Variants in MPZL3 observed in about 807,000 individuals in gnomAD.
MPZL3 encodes the protein myelin protein zero like 3.
MPZL3 carries 23 observed loss-of-function variants against 24.8 expected under a neutral mutation model. The observed-to-expected ratio is 0.93, with a 90% CI of 0.67 to 1.31. The LOEUF (loss-of-function observed/expected upper bound fraction) is 1.31. Ranked by LOEUF, MPZL3 falls within the 40% of genes most tolerant of loss-of-function variation. The pLI is 0.00. For missense variants in MPZL3, 277 were observed against 294.9 expected (o/e 0.94, Z 0.44); for synonymous variants, 99 against 106.5 (o/e 0.93, Z 0.44).
At position 118,232,380 on chromosome 11, in the gene MPZL3, T is replaced by C. The variant is rs191880954; in HGVS notation, c.681+1080A>G. On this transcript the variant is annotated intron_variant, in intron 5 of 5. Coordinates refer to ENST00000278949, the MANE Select transcript of MPZL3 (RefSeq NM_198275.3). ...TCATTAAGTACCATCTCATATACTA[T>C]ATATTTTACTTATTTTTAAAAACTT... Among the ~76,000 whole-genome samples the C allele has an allele frequency of 1.3e-3, 195 of 152,214 alleles. 1 individual carries two copies. The highest frequency in any genetic ancestry group is 1.0e-4 in the Non-Finnish European group (7 of 68,026).
chr11:118,237,281 G>C (rs780046175), intron 2 of MPZL3, 21 bp from the exon 3 acceptor site: 2 of 1,603,130 alleles, frequency 1.2e-6, no homozygotes, highest in Non-Finnish European at 1.7e-6. Flanking sequence ...AACACCATGA[G>C]AGAAAAGGTT....
intron 1 of MPZL3, among the ~76,000 whole-genome samples, chr11:118,246,303 G>T (rs11216831): frequency 6.6e-6 from 1 of 152,112 alleles, no homozygotes; most frequent in African/African-American, 2.4e-5. Flanking sequence ...GCCATGATCT[G>T]CCTCTGAGTG....
rs1401760253 is a variant in MPZL3 at position 118,238,590 on chromosome 11, G to C, written c.241-1330C>G. Among the ~76,000 whole-genome samples, 3 of 152,182 alleles carry C rather than the reference G, an allele frequency of 2.0e-5. No homozygotes were observed. In the South Asian group the frequency reaches 6.2e-4, roughly 31 times the overall value. On this transcript the variant is annotated intron_variant, in intron 2 of 5. Transcript: ENST00000278949. ...TTGGTACCTTCCCATTTAGGAACCTGGGTGTTTACAACCACTGAATTGCCC... is the reference window on the plus strand; with the variant it reads ...TTGGTACCTTCCCATTTAGGAACCTCGGTGTTTACAACCACTGAATTGCCC...
chr11:118,228,249 TG>T lies in MPZL3; in HGVS notation c.*1644del, dbSNP rs947733064. On this transcript the variant is annotated 3_prime_UTR_variant, in exon 6 of 6. Transcript: ENST00000278949. Reference sequence around the variant, plus strand: ...GTCTTCAAAAAAAAAAGAAAGAAGTTGAGAGAGAGAAAAGTGATTTTTAAAC... The same window carrying T: ...GTCTTCAAAAAAAAAAGAAAGAAGTTAGAGAGAGAAAAGTGATTTTTAAAC... 2.6e-5 allele frequency: 4 copies of T among 151,026 alleles called. No homozygotes were observed. The highest frequency in any genetic ancestry group is 5.9e-5 in the Non-Finnish European group (4 of 67,780). The allele number at this position is 151,026 out of a possible 1,614,324, so 9.4% of individuals were successfully genotyped here. A position where few individuals can be genotyped will look rare whatever the true frequency, so the allele number is the denominator to read the frequency against.
At chr11:118,244,873 G>A (rs1014075849) in intron 1 of MPZL3, among the ~76,000 whole-genome samples, 1 of 152,072 alleles carries the variant, frequency 6.6e-6, no homozygotes, top group Non-Finnish European at 1.5e-5. Flanking sequence ...TCAGGAGATC[G>A]AGACCATCCT....
At chr11:118,252,034 G>C (rs1029314120) in intron 1 of MPZL3, among the ~76,000 whole-genome samples, 188 bp downstream of exon 1, 2 of 152,164 alleles carry the variant, frequency 1.3e-5, no homozygotes, top group African/African-American at 4.8e-5. Flanking sequence ...CTCAGGAAAG[G>C]ACTGACAAAA....
intron 5 of MPZL3, 61 bp from the exon 6 acceptor site, chr11:118,229,981 CCA>C (rs869035160): frequency 1.1e-5 from 16 of 1,520,784 alleles, no homozygotes; most frequent in African/African-American, 3.0e-5. Context: ...TAGGCAAAGA[CCA>C]CATGTTAGGA....
chr11:118,238,918 G>A lies in MPZL3; in HGVS notation c.240+1293C>T, dbSNP rs144387566. The stretch of plus-strand genomic sequence containing the variant: ...TTGAAACTCCTTATTGACAAAACAC[G>A]GCCCACTGTGTATCCTCGAGATTAG... On this transcript the variant is annotated intron_variant, in intron 2 of 5. Transcript: ENST00000278949. Among the ~76,000 whole-genome samples, 20 of 152,184 alleles carry A rather than the reference G, an allele frequency of 1.3e-4. No individual in the cohort carries two copies. In the South Asian group the frequency reaches 1.9e-3, roughly 14 times the overall value.
At chr11:118,241,023 G>C (rs1949491302) in intron 1 of MPZL3, among the ~76,000 whole-genome samples, 1 of 152,142 alleles carries the variant, frequency 6.6e-6, no homozygotes, top group Admixed American at 6.5e-5. Context: ...GAAGAAAACA[G>C]AATAGGTAAA....
In MPZL3 at chr11:118,227,074, T is replaced by C. The variant is rs940052064; in HGVS notation, c.*2820A>G. Reference sequence around the variant, plus strand: ...TCTCTCTTGAAGCACCAGTGCTGGGTTCAGGAGCTACAGAGGACTAAGATG... The same window carrying C: ...TCTCTCTTGAAGCACCAGTGCTGGGCTCAGGAGCTACAGAGGACTAAGATG... On this transcript the variant is annotated 3_prime_UTR_variant, in exon 6 of 6. Transcript: ENST00000278949. 6.6e-6 allele frequency: 1 copy of C among 152,182 alleles called. No homozygotes were observed. The highest frequency in any genetic ancestry group is 2.4e-5 in the African/African-American group (1 of 41,442). 9.4% of individuals were successfully genotyped at this position (152,182 alleles called of 1,614,324 possible).
At chr11:118,234,742 T>TAC (rs1029838253) in intron 4 of MPZL3, among the ~76,000 whole-genome samples, 250 of 111,604 alleles carry the variant, frequency 2.2e-3, no homozygotes, top group African/African-American at 3.9e-3. Context: ...CACACACACA[T>TAC]ACACACACAC....
chr11:118,245,651 T>G (rs1371590797), intron 1 of MPZL3, among the ~76,000 whole-genome samples: 1 of 152,060 alleles, frequency 6.6e-6, no homozygotes, highest in Non-Finnish European at 1.5e-5. Context: ...GGTGAGCAAA[T>G]TATGGCCCAT....
chr11:118,237,405 T>A (rs1949440753), intron 2 of MPZL3, 145 bp from the exon 3 acceptor site: 1 of 674,556 alleles, frequency 1.5e-6, no homozygotes, highest in Non-Finnish European at 2.5e-6. Context: ...TTAACCTCCA[T>A]CCTATAGGTT....
intron 1 of MPZL3, among the ~76,000 whole-genome samples, chr11:118,250,840 C>T (rs920688956): frequency 6.6e-5 from 10 of 152,156 alleles, no homozygotes; most frequent in African/African-American, 2.4e-4. Flanking sequence ...CTGCCTCGGT[C>T]TCCCAAAGTG....
At position 118,229,705 on chromosome 11, in the gene MPZL3, C is replaced by T. The variant is rs1308971071; in HGVS notation, c.*189G>A. On this transcript the variant is annotated 3_prime_UTR_variant, in exon 6 of 6. Transcript: ENST00000278949. The stretch of plus-strand genomic sequence containing the variant: ...TGAGTCTCTTATGAGAGTTCCTGAA[C>T]AGTTTATAAATACAACAAGAACATT... 8 of 513,218 alleles carry T rather than the reference C, an allele frequency of 1.6e-5. No homozygotes were observed. The East Asian group carries it at 2.5e-4, about 16-fold the overall frequency. 31.8% of individuals were successfully genotyped at this position (513,218 alleles called of 1,614,324 possible). A position where few individuals can be genotyped will look rare whatever the true frequency, so the allele number is the denominator to read the frequency against.
At chr11:118,233,393 TG>T in intron 5 of MPZL3, 66 bp downstream of exon 5, 1 of 1,552,316 alleles carries the variant, frequency 6.4e-7, no homozygotes, top group South Asian at 1.1e-5. Flanking sequence ...GGGCATAGGA[TG>T]GATCCTCTTA....
chr11:118,236,733 C>T (rs1368214768), intron 3 of MPZL3, among the ~76,000 whole-genome samples: 1 of 152,080 alleles, frequency 6.6e-6, no homozygotes, highest in Non-Finnish European at 1.5e-5. Flanking sequence ...TTCTATTTCA[C>T]AGAGATAACA....
intron 1 of MPZL3, among the ~76,000 whole-genome samples, chr11:118,245,000 T>C (rs1194380031): frequency 1.3e-5 from 2 of 151,708 alleles, no homozygotes; most frequent in Admixed American, 1.3e-4. Flanking sequence ...GGCATGAACC[T>C]GGGAGGCAGA....
In MPZL3 at chr11:118,237,151, T is replaced by C. The variant is rs752856326; in HGVS notation, c.350A>G (p.Asn117Ser). 1.6e-5 allele frequency: 26 copies of C among 1,614,006 alleles called. 1 individual carries two copies. The South Asian group carries it at 2.7e-4, about 17-fold the overall frequency. ...TGTCCCATTGTCCTTTATGGTAGGG[T>C]TGCTTATACTTATAGATGCATCCCC... The part of the protein sequence containing the change: ...YKGDASISIS[N>S]PTIKDNGTFS... Residue 117 changes from asparagine to serine, a missense_variant, in exon 3 of 6, where the codon AAC (asparagine) becomes AGC (serine). Asn to Ser is a conservative substitution (Grantham distance 46). Coordinates refer to ENST00000278949, the MANE Select transcript of MPZL3 (RefSeq NM_198275.3).
Sources: gnomAD v4.1 joint callset for allele counts (sites outside exome capture counted in the v4.1 genomes callset) on GRCh38, gnomAD v4.1.1 for gene constraint, MANE v1.5 for transcripts, NCBI Gene and HGNC (gene_info 2026-07-23, HGNC 2026-07-21) for gene names.